Variants in TENT4A observed in about 807,000 individuals in gnomAD.
TENT4A encodes the protein terminal nucleotidyltransferase 4A, also known as DNA polymerase kappa.
In TENT4A, 7 loss-of-function variants were observed where a neutral mutation model predicts 72.8. The ratio of observed to expected loss-of-function variants is 0.10; its 90% CI spans 0.05 to 0.18. TENT4A has a LOEUF of 0.18. TENT4A is among the 10% of genes least tolerant of loss of function. TENT4A has a pLI of 1.00. For synonymous variants in TENT4A, 456 were observed against 434.3 expected (o/e 1.05, Z -0.62); for missense variants, 831 against 1,017.7 (o/e 0.82, Z 2.50).
intron 7 of TENT4A, among the ~76,000 whole-genome samples, chr5:6,748,116 T>C (rs1742203791): frequency 6.6e-6 from 1 of 152,212 alleles, no homozygotes; most frequent in Admixed American, 6.5e-5. Flanking sequence ...AGTCTTTGGC[T>C]TCCTCATGTT....
In TENT4A at chr5:6,749,677, G is replaced by A. The variant is rs1345628796; in HGVS notation, c.1687+20G>A. ...GCATGGGTGAGAGATTAATTCATTT[G>A]TGTTCATCCTAACCACTGGCTGGCA... is the stretch of plus-strand genomic sequence containing the variant. On this transcript the variant is annotated intron_variant, in intron 9 of 12. Coordinates refer to ENST00000230859, the MANE Select transcript of TENT4A (RefSeq NM_006999.6). The A allele has an allele frequency of 2.7e-6, 4 of 1,499,024 alleles. No individual in the cohort carries two copies. The highest frequency in any genetic ancestry group is 3.7e-6 in the Non-Finnish European group (4 of 1,075,200). 92.9% of individuals were successfully genotyped at this position (1,499,024 alleles called of 1,614,324 possible). A position where few individuals can be genotyped will look rare whatever the true frequency, so the allele number is the denominator to read the frequency against.
At chr5:6,728,594 C>A (rs274701) in intron 1 of TENT4A, among the ~76,000 whole-genome samples, 57,943 of 152,092 alleles carry the variant, frequency 0.38, 11,197 homozygotes, top group South Asian at 0.5. Flanking sequence ...TTCATGGCCG[C>A]AGGGGCCTTT....
intron 1 of TENT4A, among the ~76,000 whole-genome samples, chr5:6,721,802 T>A (rs1016820747): frequency 3.3e-5 from 5 of 152,220 alleles, no homozygotes; most frequent in African/African-American, 1.2e-4. Context: ...CTTGTGATCC[T>A]TTTCTTTCCT....
At chr5:6,749,104 A>T (rs1742257016) in intron 8 of TENT4A, among the ~76,000 whole-genome samples, 1 of 152,168 alleles carries the variant, frequency 6.6e-6, no homozygotes, top group East Asian at 1.9e-4. Flanking sequence ...ATGATGGAAT[A>T]AACAGGTTTC....
chr5:6,748,611 G>C, intron 8 of TENT4A, 21 bp downstream of exon 8: 2 of 1,601,034 alleles, frequency 1.2e-6, no homozygotes, highest in Non-Finnish European at 1.7e-6. Context: ...GTGTGTCTGC[G>C]TCTGGGCTCA....
rs182119320 is a variant in TENT4A at position 6,723,557 on chromosome 5, A to G, written c.716+8858A>G. On this transcript the variant is annotated intron_variant, in intron 1 of 12. Transcript: ENST00000230859. ...CTGGCAAGAGGTGCTGCAGTTGGAA[A>G]TGTGAATTCACGGCTGACATCTGGG... Among the ~76,000 whole-genome samples the G allele has an allele frequency of 1.7e-3, 252 of 152,352 alleles. 4 individuals carry two copies. The highest frequency in any genetic ancestry group is 7.7e-4 in the East Asian group (4 of 5,188).
intron 2 of TENT4A, 99 bp downstream of exon 2, chr5:6,737,732 T>G (rs1741577238): frequency 5.2e-6 from 7 of 1,346,564 alleles, no homozygotes; most frequent in Non-Finnish European, 7.0e-6. Flanking sequence ...ACAGACCTTT[T>G]CTCGTTGGCC....
At chr5:6,726,635 C>G (rs1486472860) in intron 1 of TENT4A, among the ~76,000 whole-genome samples, 1 of 152,164 alleles carries the variant, frequency 6.6e-6, no homozygotes, top group Non-Finnish European at 1.5e-5. Context: ...TGGGAGCACT[C>G]TCCTTGAATC....
chr5:6,752,896 G>A lies in TENT4A; in HGVS notation c.2043G>A (p.Pro681=), dbSNP rs369936243. ...NNQTRFTIPP[P]TLGVAPVPCR... is the part of the protein sequence containing the mutation. Reference sequence around the variant, plus strand: ...AGACCAGGTTTACTATACCTCCACCGACCCTAGGGGTTGCTCCTGTTCCTT... The same window carrying A: ...AGACCAGGTTTACTATACCTCCACCAACCCTAGGGGTTGCTCCTGTTCCTT... Residue 681 remains proline, a synonymous_variant, in exon 12 of 13, where the codon CCG becomes CCA. Coordinates refer to ENST00000230859, the MANE Select transcript of TENT4A (RefSeq NM_006999.6). The A allele has an allele frequency of 9.3e-6, 15 of 1,613,848 alleles. No individual in the cohort carries two copies. Among genetic ancestry groups the A allele is most frequent in the East Asian group, 2.2e-5 (1 of 44,890 alleles).
chr5:6,733,808 G>T (rs1408572201), intron 1 of TENT4A, among the ~76,000 whole-genome samples: 4 of 152,208 alleles, frequency 2.6e-5, no homozygotes, highest in Non-Finnish European at 5.9e-5. Flanking sequence ...GTGGCCTGTG[G>T]TCGGCAGGGC....
At chr5:6,746,014 G>C (rs1742077147) in intron 6 of TENT4A, 200 bp from the exon 7 acceptor site, 4 of 1,412,138 alleles carry the variant, frequency 2.8e-6, no homozygotes, top group African/African-American at 1.4e-5. Flanking sequence ...CTAAAATTCA[G>C]ATGAGTCCGT....
Position 6,756,895 on chromosome 5 carries a change from G to A in TENT4A, c.*1950G>A, listed in dbSNP as rs1742731635. The A allele has an allele frequency of 6.6e-6, 1 of 152,530 alleles. No homozygotes were observed. The highest frequency in any genetic ancestry group is 1.5e-5 in the Non-Finnish European group (1 of 68,028). 9.4% of individuals were successfully genotyped at this position (152,530 alleles called of 1,614,324 possible). A position where few individuals can be genotyped will look rare whatever the true frequency, so the allele number is the denominator to read the frequency against. On this transcript the variant is annotated 3_prime_UTR_variant, in exon 13 of 13. Transcript: ENST00000230859. ...CATGGTGAAGCAAATGAATTGGCCT[G>A]GCTACCACTGTGGTCGCGTGCTACA...
At chr5:6,724,509 C>T (rs547978939) in intron 1 of TENT4A, among the ~76,000 whole-genome samples, 1 of 152,046 alleles carries the variant, frequency 6.6e-6, no homozygotes, top group African/African-American at 2.4e-5. Context: ...GGTTCTGACT[C>T]ACAAGAGACT....
chr5:6,746,421 C>T lies in TENT4A; in HGVS notation c.1453C>T (p.Leu485=), dbSNP rs952552886. The change falls in exon 7 of 13, where the codon CTG becomes TTG. Residue 485 remains leucine, a synonymous_variant. Transcript: ENST00000230859. The part of the protein sequence containing the change: ...PSMLCIEDPL[L]PGNDVGRSSY... The stretch of plus-strand genomic sequence containing the variant: ...GATGCTGTGCATTGAGGACCCCCTG[C>T]TGCCAGGTAAGGGCGCCCTGATCTC... 5 of 1,614,072 alleles carry T rather than the reference C, an allele frequency of 3.1e-6. No homozygotes were observed. Among genetic ancestry groups the T allele is most frequent in the Non-Finnish European group, 4.2e-6 (5 of 1,179,992 alleles).
chr5:6,718,965 G>A (rs180725235), intron 1 of TENT4A, among the ~76,000 whole-genome samples: 5 of 150,084 alleles, frequency 3.3e-5, no homozygotes, highest in East Asian at 3.9e-4. Flanking sequence ...CAATCTTTTC[G>A]CAGGAAAAAA....
chr5:6,715,560 G>T (rs966406455), intron 1 of TENT4A, among the ~76,000 whole-genome samples: 1 of 152,166 alleles, frequency 6.6e-6, no homozygotes, highest in East Asian at 1.9e-4. Flanking sequence ...AGACTTAAAT[G>T]ATAATTTTTC....
intron 1 of TENT4A, among the ~76,000 whole-genome samples, chr5:6,731,482 T>TG (rs982553385): frequency 6.6e-6 from 1 of 151,986 alleles, no homozygotes; most frequent in African/African-American, 2.4e-5. Flanking sequence ...TTGGGAAGAC[T>TG]GGAAGCACCT....
chr5:6,730,082 ATGT>A (rs1741127927), intron 1 of TENT4A, among the ~76,000 whole-genome samples: 1 of 129,462 alleles, frequency 7.7e-6, no homozygotes, highest in Non-Finnish European at 1.7e-5. Flanking sequence ...AGAGAAGATA[ATGT>A]TGTTTCTCCG....
chr5:6,751,555 G>T (rs1255597304), intron 11 of TENT4A: 1 of 207,096 alleles, frequency 4.8e-6, no homozygotes, highest in African/African-American at 2.3e-5. Flanking sequence ...AGCCGTGCCA[G>T]ACACTTGTCC....
Sources: allele counts gnomAD v4.1 joint callset (sites outside exome capture counted in the v4.1 genomes callset), GRCh38; gene constraint gnomAD v4.1.1; transcripts MANE v1.5; gene names NCBI Gene and HGNC (gene_info 2026-07-23, HGNC 2026-07-21).